Variants in SERGEF observed in about 807,000 individuals in gnomAD.
SERGEF encodes secretion regulating guanine nucleotide exchange factor.
Under a neutral mutation model 50.0 loss-of-function variants are expected in SERGEF, and 51 were observed. That is an observed-to-expected ratio of 1.02 (90% confidence interval 0.81 to 1.29). The LOEUF (loss-of-function observed/expected upper bound fraction) is 1.29, where lower values mean the gene tolerates loss of function less well. Among genes scored for constraint, SERGEF ranks in the 50% most tolerant of loss-of-function variants. The pLI is 0.00. For synonymous variants in SERGEF, 205 were observed against 212.4 expected (o/e 0.97, Z 0.30); for missense variants, 521 against 557.0 (o/e 0.94, Z 0.65).
chr11:17,870,050 G>A (rs1372869918), intron 10 of SERGEF, among the ~76,000 whole-genome samples: 2 of 152,150 alleles, frequency 1.3e-5, no homozygotes, highest in Admixed American at 1.3e-4. Context: ...TTGTGATAGT[G>A]AGTAAATTCT....
chr11:17,869,391 C>T (rs939427195), intron 10 of SERGEF, among the ~76,000 whole-genome samples: 4 of 152,174 alleles, frequency 2.6e-5, no homozygotes, highest in Non-Finnish European at 2.9e-5. Flanking sequence ...TAGAAAAAGA[C>T]TGACAATATA....
chr11:17,827,795 A>G (rs1292798569), intron 10 of SERGEF, among the ~76,000 whole-genome samples: 1 of 152,186 alleles, frequency 6.6e-6, no homozygotes, highest in Non-Finnish European at 1.5e-5. Flanking sequence ...CTGGCTATTG[A>G]TCAGAGACTC....
intron 10 of SERGEF, among the ~76,000 whole-genome samples, chr11:17,806,738 G>T (rs114859855): frequency 6.6e-6 from 1 of 152,140 alleles, no homozygotes; most frequent in Non-Finnish European, 1.5e-5. Flanking sequence ...GTCACTTCCC[G>T]TTCCTCAGGA....
At chr11:17,844,821 A>G (rs1850573596) in intron 10 of SERGEF, among the ~76,000 whole-genome samples, 1 of 152,084 alleles carries the variant, frequency 6.6e-6, no homozygotes, top group Non-Finnish European at 1.5e-5. Context: ...GAGGTGTCCA[A>G]TCTTTTGGCG....
intron 10 of SERGEF, among the ~76,000 whole-genome samples, chr11:17,823,110 C>T (rs548267335): frequency 2.5e-4 from 38 of 152,304 alleles, no homozygotes; most frequent in Non-Finnish European, 4.0e-4. Flanking sequence ...TGGTCTGCTA[C>T]GGTTTCTCCA....
At chr11:17,977,365 G>A (rs1282077012) in intron 8 of SERGEF, among the ~76,000 whole-genome samples, 1 of 152,208 alleles carries the variant, frequency 6.6e-6, no homozygotes, top group Admixed American at 6.5e-5. Flanking sequence ...AGGAATCACA[G>A]AGACGAGCAT....
intron 5 of SERGEF, among the ~76,000 whole-genome samples, chr11:17,998,521 T>C: frequency 3.6e-5 from 1 of 27,574 alleles, no homozygotes; most frequent in African/African-American, 8.5e-5. Context: ...TATATATATA[T>C]GTTTATATGT....
At chr11:17,973,946 G>T (rs1226485100) in intron 8 of SERGEF, among the ~76,000 whole-genome samples, 1 of 152,186 alleles carries the variant, frequency 6.6e-6, no homozygotes, top group Non-Finnish European at 1.5e-5. Context: ...ACCAGGAAAG[G>T]GAAGATAATC....
chr11:17,879,259 G>A lies in SERGEF; in HGVS notation c.1012-1015C>T, dbSNP rs74538623. ...CCATATGTCCCAACTGCTAGCAGGA[G>A]GAAGTGACTGGGAATACAAAGGCAT... On this transcript the variant is annotated intron_variant, in intron 9 of 10. Transcript: ENST00000265965. 5.8e-3 allele frequency among the ~76,000 whole-genome samples: 889 copies of A among 152,332 alleles called. 9 individuals carry two copies. Among genetic ancestry groups the A allele is most frequent in the Middle Eastern group, 0.027 (8 of 294 alleles).
At chr11:17,833,719 A>G (rs531516655) in intron 10 of SERGEF, among the ~76,000 whole-genome samples, 2 of 152,374 alleles carry the variant, frequency 1.3e-5, no homozygotes, top group South Asian at 2.1e-4. Flanking sequence ...GATGTGAGAC[A>G]CAGTGTCAAA....
At chr11:17,999,735 A>G (rs1356668022) in intron 5 of SERGEF, among the ~76,000 whole-genome samples, 1 of 152,232 alleles carries the variant, frequency 6.6e-6, no homozygotes, top group African/African-American at 2.4e-5. Flanking sequence ...TTTTAAATTA[A>G]TAAACAATAA....
chr11:17,863,133 G>A (rs1476633340), intron 10 of SERGEF, among the ~76,000 whole-genome samples: 3 of 152,278 alleles, frequency 2.0e-5, no homozygotes, highest in East Asian at 1.9e-4. Context: ...TCTGAAAAAC[G>A]GGGACAATTT....
chr11:17,811,600 G>C (rs1466842573), intron 10 of SERGEF, among the ~76,000 whole-genome samples: 4 of 152,226 alleles, frequency 2.6e-5, no homozygotes, highest in African/African-American at 9.6e-5. Flanking sequence ...GACATTCTGA[G>C]AGGTTTGACA....
chr11:17,992,797 G>T, intron 7 of SERGEF, 134 bp downstream of exon 7: 1 of 748,692 alleles, frequency 1.3e-6, no homozygotes, highest in Non-Finnish European at 2.3e-6. Context: ...TTGCCTAAGA[G>T]CATACCAGTG....
chr11:17,956,486 A>G (rs1375543212), intron 9 of SERGEF, among the ~76,000 whole-genome samples: 1 of 152,232 alleles, frequency 6.6e-6, no homozygotes, highest in African/African-American at 2.4e-5. Context: ...CAGGTTTATC[A>G]TGAAGACAAA....
chr11:17,990,772 CT>C (rs5790010), intron 7 of SERGEF, among the ~76,000 whole-genome samples: 47,554 of 148,042 alleles, frequency 0.32, 8,818 homozygotes, highest in East Asian at 0.49. Flanking sequence ...GGCTATTAAT[CT>C]TTTTTTTTTT....
At chr11:17,799,154 GTCA>G (rs1849619476) in intron 10 of SERGEF, among the ~76,000 whole-genome samples, 1 of 152,076 alleles carries the variant, frequency 6.6e-6, no homozygotes, top group Non-Finnish European at 1.5e-5. Flanking sequence ...CAGATTCTCA[GTCA>G]TCATCATCCC....
At chr11:17,866,428 G>C (rs951609003) in intron 10 of SERGEF, among the ~76,000 whole-genome samples, 2 of 152,172 alleles carry the variant, frequency 1.3e-5, no homozygotes, top group African/African-American at 4.8e-5. Context: ...TGTGTACTAG[G>C]CTATACCATC....
intron 9 of SERGEF, among the ~76,000 whole-genome samples, chr11:17,926,348 TCCACAA>T (rs1261386604): frequency 8.6e-5 from 13 of 151,970 alleles, no homozygotes. Flanking sequence ...AATCTTACCC[TCCACAA>T]CCACAGAAGA....
Sources: gnomAD v4.1 joint callset for allele counts (sites outside exome capture counted in the v4.1 genomes callset) on GRCh38, gnomAD v4.1.1 for gene constraint, MANE v1.5 for transcripts, NCBI Gene and HGNC (gene_info 2026-07-23, HGNC 2026-07-21) for gene names.